The following KATNAL2 variants were observed in gnomAD, a reference collection of about 807,000 sequenced individuals.
KATNAL2 encodes the protein katanin p60 ATPase-containing subunit A-like 2.
A neutral mutation model predicts 76.3 loss-of-function variants in KATNAL2; 52 were observed. The observed-to-expected ratio is 0.68, with a 90% CI of 0.55 to 0.86. KATNAL2 has a LOEUF of 0.86. Ranked by LOEUF, KATNAL2 falls within the 40% of genes least tolerant of loss-of-function variation. The probability of loss-of-function intolerance (pLI) is 0.00; values close to 1 mark genes in which losing one functional copy is unlikely to be tolerated. For missense variants in KATNAL2, 660 were observed against 668.9 expected (o/e 0.99, Z 0.15); for synonymous variants, 243 against 244.2 (o/e 1.00, Z 0.05).
intron 1 of KATNAL2, among the ~76,000 whole-genome samples, chr18:46,939,094 C>A (rs1037949803): frequency 6.6e-6 from 1 of 152,088 alleles, no homozygotes; most frequent in Non-Finnish European, 1.5e-5. Context: ...ATAATCCCAG[C>A]ACTTTGGGAG....
intron 1 of KATNAL2, among the ~76,000 whole-genome samples, chr18:46,923,645 G>C (rs1301447787): frequency 6.6e-6 from 1 of 152,090 alleles, no homozygotes; most frequent in Non-Finnish European, 1.5e-5. Flanking sequence ...CTGAGGAATC[G>C]CCACACTGAC....
chr18:47,093,937 A>G (rs1374120872), intron 15 of KATNAL2, among the ~76,000 whole-genome samples: 1 of 152,102 alleles, frequency 6.6e-6, no homozygotes, highest in Non-Finnish European at 1.5e-5. Context: ...GTTTTTCTCT[A>G]TTCTTTTTAA....
chr18:47,059,517 C>A, intron 7 of KATNAL2, 39 bp from the exon 8 acceptor site: 1 of 1,419,936 alleles, frequency 7.0e-7, no homozygotes, highest in South Asian at 1.2e-5. Flanking sequence ...CTCTCCATGG[C>A]TGCTCACAGC....
chr18:47,032,884 C>G, intron 3 of KATNAL2: 1 of 1,576,888 alleles, frequency 6.3e-7, no homozygotes, highest in Non-Finnish European at 8.6e-7. Context: ...AATTCAAAGG[C>G]TCAACTTTGC....
intron 4 of KATNAL2, among the ~76,000 whole-genome samples, chr18:47,052,588 G>T (rs2061367112): frequency 6.6e-6 from 1 of 152,186 alleles, no homozygotes; most frequent in South Asian, 2.1e-4. Context: ...TTTCTTGGTT[G>T]ATTTACTTAT....
intron 4 of KATNAL2, among the ~76,000 whole-genome samples, chr18:47,048,650 C>A (rs369605899): frequency 6.6e-6 from 1 of 152,056 alleles, no homozygotes; most frequent in Non-Finnish European, 1.5e-5. Context: ...AATTGACAAG[C>A]CAGACAGTCT....
chr18:46,952,275 A>C (rs1431391025), intron 3 of KATNAL2, among the ~76,000 whole-genome samples: 1 of 150,662 alleles, frequency 6.6e-6, no homozygotes, highest in African/African-American at 2.5e-5. Flanking sequence ...GGATCTCACT[A>C]TGTTGCACAG....
intron 1 of KATNAL2, among the ~76,000 whole-genome samples, chr18:46,935,827 A>T (rs1271697849): frequency 6.6e-6 from 1 of 152,060 alleles, no homozygotes; most frequent in Non-Finnish European, 1.5e-5. Flanking sequence ...GAGGCAGGAG[A>T]ATCACTTGAA....
At chr18:47,055,201 T>C (rs138126190) in intron 6 of KATNAL2, among the ~76,000 whole-genome samples, 107 of 152,334 alleles carry the variant, frequency 7.0e-4, no homozygotes, top group African/African-American at 2.3e-3. Context: ...ACAAGGGTGC[T>C]GCTGCCGGCT....
intron 4 of KATNAL2, among the ~76,000 whole-genome samples, chr18:47,050,515 G>A (rs978079223): frequency 1.3e-5 from 2 of 152,232 alleles, no homozygotes; most frequent in Admixed American, 1.3e-4. Context: ...AAAGTCAGAT[G>A]TAGTTGTTAA....
At chr18:47,062,873 C>T in intron 8 of KATNAL2, 99 bp from the exon 9 acceptor site, 1 of 843,774 alleles carries the variant, frequency 1.2e-6, no homozygotes, top group Non-Finnish European at 1.9e-6. Flanking sequence ...GCCCTATATA[C>T]CAGGGTCTAT....
At chr18:46,951,409 ATTTT>A (rs57801829) in intron 3 of KATNAL2, among the ~76,000 whole-genome samples, 13 of 137,218 alleles carry the variant, frequency 9.5e-5, no homozygotes, top group Non-Finnish European at 7.8e-5. Flanking sequence ...TCTAAGTCTG[ATTTT>A]TTTTTTTTTT....
intron 1 of KATNAL2, among the ~76,000 whole-genome samples, chr18:46,919,332 C>T (rs1287764276): frequency 1.3e-5 from 2 of 152,012 alleles, no homozygotes; most frequent in East Asian, 3.9e-4. Flanking sequence ...ACCAAAAATG[C>T]AAAATTAGCC....
chr18:47,051,262 C>CA (rs1471792635), intron 4 of KATNAL2, among the ~76,000 whole-genome samples: 1 of 151,762 alleles, frequency 6.6e-6, no homozygotes, highest in African/African-American at 2.4e-5. Flanking sequence ...CGCATCTCTA[C>CA]AAAAAATAAA....
At chr18:47,100,794 T>C in intron 17 of KATNAL2, 72 bp from the exon 18 acceptor site, 4 of 1,543,374 alleles carry the variant, frequency 2.6e-6, no homozygotes, top group Non-Finnish European at 3.6e-6. Flanking sequence ...AAAGAAGGTC[T>C]ATTAGCGTTT....
At chr18:47,040,687 T>A (rs2060932718) in intron 3 of KATNAL2, among the ~76,000 whole-genome samples, 1 of 152,166 alleles carries the variant, frequency 6.6e-6, no homozygotes, top group South Asian at 2.1e-4. Context: ...TAGTCCCAGC[T>A]ACTTGGGAGG....
chr18:47,045,094 G>A (rs1211712124), intron 3 of KATNAL2, among the ~76,000 whole-genome samples: 2 of 150,026 alleles, frequency 1.3e-5, no homozygotes, highest in African/African-American at 2.5e-5. Flanking sequence ...GTGAGACCCT[G>A]TCTCAAAAAA....
intron 1 of KATNAL2, among the ~76,000 whole-genome samples, chr18:46,929,009 G>T (rs892163113): frequency 6.6e-6 from 1 of 152,038 alleles, no homozygotes; most frequent in African/African-American, 2.4e-5. Context: ...ATTTGGGCAG[G>T]CTGGTCTCGA....
intron 3 of KATNAL2, among the ~76,000 whole-genome samples, chr18:46,947,950 G>A (rs2059429314): frequency 6.6e-6 from 1 of 152,004 alleles, no homozygotes; most frequent in South Asian, 2.1e-4. Context: ...AATCTTTTGG[G>A]TTACCCTTTA....
Sources: allele counts gnomAD v4.1 joint callset (sites outside exome capture counted in the v4.1 genomes callset), GRCh38; gene constraint gnomAD v4.1.1; transcripts MANE v1.5; gene names NCBI Gene and HGNC (gene_info 2026-07-23, HGNC 2026-07-21).